Variants in PLD5 observed in about 807,000 individuals in gnomAD.
The protein encoded by PLD5 is inactive phospholipase D5.
Under a neutral mutation model 61.1 loss-of-function variants are expected in PLD5, and 36 were observed. The observed-to-expected ratio is 0.59, with a 90% CI of 0.45 to 0.78. PLD5 has a LOEUF of 0.78. Among genes scored for constraint, PLD5 ranks in the 30% least tolerant of loss-of-function variants. The probability of loss-of-function intolerance (pLI) is 0.00; values close to 1 mark genes in which losing one functional copy is unlikely to be tolerated. For missense variants in PLD5, 515 were observed against 644.4 expected (o/e 0.80, Z 2.17); for synonymous variants, 243 against 242.8 (o/e 1.00, Z -0.01).
chr1:242,135,246 G>A (rs1301707543), intron 5 of PLD5, among the ~76,000 whole-genome samples: 1 of 152,012 alleles, frequency 6.6e-6, no homozygotes, highest in Non-Finnish European at 1.5e-5. Flanking sequence ...ATCAGCTTAG[G>A]ACAATATCTG....
At chr1:242,340,242 A>G (rs1237382985) in intron 2 of PLD5, among the ~76,000 whole-genome samples, 2 of 152,194 alleles carry the variant, frequency 1.3e-5, no homozygotes, top group Non-Finnish European at 2.9e-5. Context: ...CCTCTGGGTT[A>G]GGAAGAATAA....
At chr1:242,234,419 T>C (rs1334685709) in intron 4 of PLD5, among the ~76,000 whole-genome samples, 1 of 152,166 alleles carries the variant, frequency 6.6e-6, no homozygotes, top group African/African-American at 2.4e-5. Context: ...GACAGTGGCA[T>C]TGAACTTTTT....
intron 1 of PLD5, chr1:242,377,558 C>G: frequency 1.9e-6 from 1 of 536,786 alleles, no homozygotes; most frequent in Non-Finnish European, 3.4e-6. Flanking sequence ...ATTTCATACT[C>G]TAGATAGAGA....
intron 8 of PLD5, among the ~76,000 whole-genome samples, chr1:242,101,993 T>C (rs1660730694): frequency 6.6e-6 from 1 of 152,198 alleles, no homozygotes. Flanking sequence ...GATACCTGGT[T>C]CACCCAGTGT....
intron 2 of PLD5, among the ~76,000 whole-genome samples, chr1:242,342,209 T>C (rs2149213928): frequency 6.6e-6 from 1 of 152,334 alleles, no homozygotes; most frequent in South Asian, 2.1e-4. Flanking sequence ...CAAAAGTCCC[T>C]CTTCTAGTGA....
chr1:242,165,797 C>T (rs1170971238), intron 5 of PLD5, among the ~76,000 whole-genome samples: 1 of 152,188 alleles, frequency 6.6e-6, no homozygotes, highest in Non-Finnish European at 1.5e-5. Context: ...TCAGAAGCAT[C>T]TCTGCCACCT....
At chr1:242,501,061 A>G (rs919794646) in intron 1 of PLD5, among the ~76,000 whole-genome samples, 8 of 152,206 alleles carry the variant, frequency 5.3e-5, no homozygotes, top group African/African-American at 1.9e-4. Flanking sequence ...GAACATTAGT[A>G]TGAGTAGGTA....
chr1:242,088,882 T>A lies in PLD5; in HGVS notation c.*972A>T, dbSNP rs1558204110. 1 of 155,256 alleles carries A rather than the reference T, an allele frequency of 6.4e-6. No homozygotes were observed. The highest frequency in any genetic ancestry group is 1.9e-4 in the East Asian group (1 of 5,338). 9.6% of individuals were successfully genotyped at this position (155,256 alleles called of 1,614,324 possible). A position where few individuals can be genotyped will look rare whatever the true frequency, so the allele number is the denominator to read the frequency against. ...GCTCTAGAAACGTTTGCTGGCATAC[T>A]CTTAACAGCATAATGATTCTAAAGA... On this transcript the variant is annotated 3_prime_UTR_variant, in exon 10 of 10. Coordinates refer to ENST00000536534, the MANE Select transcript of PLD5 (RefSeq NM_001372062.1).
intron 5 of PLD5, 118 bp from the exon 6 acceptor site, chr1:242,124,783 T>A: frequency 2.6e-6 from 2 of 774,118 alleles, no homozygotes; most frequent in Non-Finnish European, 2.1e-6. Flanking sequence ...GCATTTGAAG[T>A]AAGTAGATAT....
intron 2 of PLD5, among the ~76,000 whole-genome samples, chr1:242,301,146 C>A (rs1232439781): frequency 1.3e-5 from 2 of 152,062 alleles, no homozygotes; most frequent in Non-Finnish European, 2.9e-5. Context: ...TCAAGTCTTG[C>A]CTGGACAAGC....
At chr1:242,197,465 T>G (rs1359139876) in intron 5 of PLD5, among the ~76,000 whole-genome samples, 1 of 152,144 alleles carries the variant, frequency 6.6e-6, no homozygotes, top group African/African-American at 2.4e-5. Flanking sequence ...CACAGGTGAC[T>G]GACTGCCTTT....
At position 242,294,319 on chromosome 1, in the gene PLD5, T is replaced by C. The variant is rs1470012918; in HGVS notation, c.327-5789A>G. ...ATAGAATTTTAAATAGAATTCGAAC[T>C]GTTCTTATTAATAGCATGTATTTAT... On this transcript the variant is annotated intron_variant, in intron 2 of 9. Transcript: ENST00000536534. 2.0e-5 allele frequency among the ~76,000 whole-genome samples: 3 copies of C among 152,256 alleles called. No homozygotes were observed. The East Asian group carries it at 5.8e-4, about 29-fold the overall frequency.
chr1:242,137,264 A>G (rs984441619), intron 5 of PLD5, among the ~76,000 whole-genome samples: 4 of 152,198 alleles, frequency 2.6e-5, no homozygotes, highest in Admixed American at 6.5e-5. Flanking sequence ...TCCAGCACAC[A>G]GCACAAGTAC....
At chr1:242,205,633 T>C (rs1669272252) in intron 5 of PLD5, among the ~76,000 whole-genome samples, 1 of 152,344 alleles carries the variant, frequency 6.6e-6, no homozygotes, top group East Asian at 1.9e-4. Flanking sequence ...TGAAGTTGAA[T>C]TGCTTTTTAC....
chr1:242,390,684 G>A (rs561281660), intron 1 of PLD5, among the ~76,000 whole-genome samples: 45 of 152,206 alleles, frequency 3.0e-4, no homozygotes, highest in African/African-American at 1.1e-3. Context: ...AAAACATAAA[G>A]TTCCTGTATT....
intron 1 of PLD5, among the ~76,000 whole-genome samples, chr1:242,475,371 C>A (rs868808838): frequency 3.6e-5 from 5 of 137,684 alleles, no homozygotes; most frequent in South Asian, 2.2e-4. Context: ...TGCAGTGAGC[C>A]GAGATTGCGC....
chr1:242,158,763 C>T (rs541910445), intron 5 of PLD5, among the ~76,000 whole-genome samples: 8 of 152,228 alleles, frequency 5.3e-5, no homozygotes, highest in Admixed American at 2.0e-4. Context: ...CCTATTCAGC[C>T]GTCTTGCCAT....
chr1:242,416,184 G>T (rs1386492495), intron 1 of PLD5, among the ~76,000 whole-genome samples: 1 of 151,932 alleles, frequency 6.6e-6, no homozygotes. Context: ...TTTCATTGTT[G>T]TTGAGGACTA....
chr1:242,335,355 T>C (rs1574753874), intron 2 of PLD5, among the ~76,000 whole-genome samples: 1 of 152,216 alleles, frequency 6.6e-6, no homozygotes, highest in African/African-American at 2.4e-5. Context: ...CAATAAGTGA[T>C]AGCTGTCATA....
Sources: gnomAD v4.1 joint callset for allele counts (sites outside exome capture counted in the v4.1 genomes callset) on GRCh38, gnomAD v4.1.1 for gene constraint, MANE v1.5 for transcripts, NCBI Gene and HGNC (gene_info 2026-07-23, HGNC 2026-07-21) for gene names.